The following MYH1 variants were observed in gnomAD, a reference collection of about 807,000 sequenced individuals.
MYH1 encodes myosin-1.
A neutral mutation model predicts 225.6 loss-of-function variants in MYH1; 214 were observed. That is an observed-to-expected ratio of 0.95 (90% confidence interval 0.85 to 1.06). MYH1 has a LOEUF of 1.06. MYH1 is among the 50% of genes least tolerant of loss of function. MYH1 has a pLI of 0.00. For synonymous variants in MYH1, 774 were observed against 842.3 expected (o/e 0.92, Z 1.40); for missense variants, 2,098 against 2,344.2 (o/e 0.89, Z 2.17).
At chr17:10,509,953 C>T (rs1410797880) in intron 14 of MYH1, among the ~76,000 whole-genome samples, 1 of 152,076 alleles carries the variant, frequency 6.6e-6, no homozygotes, top group Non-Finnish European at 1.5e-5. Context: ...TGTATGTTCT[C>T]ACATATAAGT....
chr17:10,515,565 C>T (rs1419198586), intron 5 of MYH1, among the ~76,000 whole-genome samples: 1 of 152,086 alleles, frequency 6.6e-6, no homozygotes, highest in Non-Finnish European at 1.5e-5. Flanking sequence ...GGATTGAACT[C>T]CTATTTTTCA....
Position 10,508,669 on chromosome 17 carries a change from T to C in MYH1, c.1591A>G (p.Met531Val), listed in dbSNP as rs758306609. ...AACIELIEKP[M>V]GIFSILEEEC... The stretch of plus-strand genomic sequence containing the variant: ...TCTTCCAGGATGGAGAAGATGCCCA[T>C]AGGCTGGAAGAATGAAAAGAAATAA... The change falls in exon 16 of 40, where the codon ATG becomes GTG. Residue 531 changes from methionine (M) to valine (V), a missense_variant. Physicochemically the swap from Met to Val is conservative, Grantham distance 21. Coordinates refer to ENST00000226207, the MANE Select transcript of MYH1 (RefSeq NM_005963.4). The C allele has an allele frequency of 6.2e-6, 10 of 1,613,922 alleles. No individual in the cohort carries two copies. The highest frequency in any genetic ancestry group is 1.7e-4 in the Middle Eastern group (1 of 6,058).
At chr17:10,504,713 A>G in intron 22 of MYH1, 97 bp downstream of exon 22, 1 of 1,365,790 alleles carries the variant, frequency 7.3e-7, no homozygotes, top group Non-Finnish European at 1.0e-6. Context: ...AAGATTCATA[A>G]TCTGTCCCTT....
At chr17:10,509,342 A>T in intron 15 of MYH1, 143 bp downstream of exon 15, 2 of 1,302,270 alleles carry the variant, frequency 1.5e-6, no homozygotes, top group Non-Finnish European at 2.1e-6. Context: ...CAGAATATCT[A>T]CTTCAGAGTT....
At chr17:10,499,598 A>G (rs1354463702) in intron 28 of MYH1, among the ~76,000 whole-genome samples, 1 of 152,202 alleles carries the variant, frequency 6.6e-6, no homozygotes, top group African/African-American at 2.4e-5. Context: ...CATCCCCAGA[A>G]TGAATTGGTT....
At chr17:10,497,029 C>A (rs968119038) in intron 33 of MYH1, 40 bp downstream of exon 33, 14 of 1,589,868 alleles carry the variant, frequency 8.8e-6, no homozygotes, top group South Asian at 1.1e-5. Context: ...GACCCCAATT[C>A]CTCTTCTAAT....
rs766283461 is a variant in MYH1 at position 10,501,586 on chromosome 17, T to C, written c.3348+8A>G. The C allele has an allele frequency of 1.9e-5, 31 of 1,614,258 alleles. No individual in the cohort carries two copies. In the East Asian group the frequency reaches 6.7e-4, roughly 35 times the overall value. ...TTAAATTAGCCTGGCGAAAATCATT[T>C]AACGTACTTGTAACTCCTTGATTTT... On this transcript the variant is annotated splice_region_variant and intron_variant, in intron 26 of 39. Transcript: ENST00000226207.
At chr17:10,512,645 T>G (rs369098291) in intron 11 of MYH1, 36 bp downstream of exon 11, 22 of 1,610,902 alleles carry the variant, frequency 1.4e-5, no homozygotes, top group Non-Finnish European at 1.8e-5. Flanking sequence ...TTCCCATGCA[T>G]AATGGATTTT....
rs1004453885 is a variant in MYH1 at position 10,507,809 on chromosome 17, G to A, written c.1968+77C>T. The A allele has an allele frequency of 6.7e-6, 8 of 1,196,882 alleles. No homozygotes were observed. The African/African-American group carries it at 1.2e-4, about 18-fold the overall frequency. The allele number at this position is 1,196,882 out of a possible 1,614,324, so 74.1% of individuals were successfully genotyped here. On this transcript the variant is annotated intron_variant, in intron 17 of 39. Transcript: ENST00000226207. ...CACATCAGTTCTAGAATCCTTGCAA[G>A]GTTAGTTTTTTCCCCCACACCATAG...
Position 10,513,598 on chromosome 17 carries a change from A to T in MYH1, c.805+28T>A, listed in dbSNP as rs200214170. 8.8e-4 allele frequency: 1,410 copies of T among 1,605,566 alleles called. 1 individual carries two copies. Among genetic ancestry groups the T allele is most frequent in the Non-Finnish European group, 1.1e-3 (1,323 of 1,172,496 alleles). The stretch of plus-strand genomic sequence containing the variant: ...CCAAACCAATATTTGTCATTCTTGG[A>T]TTCTATTTAGGAGGTCCTGTTACTC... On this transcript the variant is annotated intron_variant, in intron 9 of 39. Coordinates refer to ENST00000226207, the MANE Select transcript of MYH1 (RefSeq NM_005963.4).
intron 14 of MYH1, 71 bp downstream of exon 14, chr17:10,511,768 C>G: frequency 6.2e-7 from 1 of 1,609,026 alleles, no homozygotes; most frequent in South Asian, 1.1e-5. Flanking sequence ...TGACTACAGG[C>G]ATGCTATATG....
intron 16 of MYH1, 55 bp from the exon 17 acceptor site, chr17:10,508,011 T>G (rs1004349273): frequency 9.5e-5 from 125 of 1,310,358 alleles, no homozygotes; most frequent in Non-Finnish European, 1.3e-4. Context: ...TATGGTTTTT[T>G]TTTTTTGTTT....
intron 29 of MYH1, 65 bp downstream of exon 29, chr17:10,498,909 C>T: frequency 6.2e-7 from 1 of 1,604,252 alleles, no homozygotes; most frequent in South Asian, 1.1e-5. Context: ...AGAAGAAAGT[C>T]TGTAAAAGTA....
Position 10,505,524 on chromosome 17 carries a change from G to C in MYH1, c.2175-13C>G, listed in dbSNP as rs1055380726. 6.2e-7 allele frequency: 1 copy of C among 1,605,938 alleles called. No individual in the cohort carries two copies. Among genetic ancestry groups the C allele is most frequent in the Non-Finnish European group, 8.5e-7 (1 of 1,177,412 alleles). ...TAACACCTTGTATCTGTTTAAGCCA[G>C]ACAAAAAAATGATATGGCTGTTGCC... On this transcript the variant is annotated splice_polypyrimidine_tract_variant and intron_variant, in intron 19 of 39. Coordinates refer to ENST00000226207, the MANE Select transcript of MYH1 (RefSeq NM_005963.4).
intron 25 of MYH1, 40 bp downstream of exon 25, chr17:10,501,726 A>G: frequency 6.2e-7 from 1 of 1,614,034 alleles, no homozygotes; most frequent in Non-Finnish European, 8.5e-7. Flanking sequence ...AAATATTAAG[A>G]GTAATTTCCC....
chr17:10,509,516 T>C lies in MYH1; in HGVS notation c.1556A>G (p.Asp519Gly), dbSNP rs1597441375. The C allele has an allele frequency of 1.9e-6, 3 of 1,614,112 alleles. No homozygotes were observed. In the East Asian group the frequency reaches 6.7e-5, roughly 36 times the overall value. The change falls in exon 15 of 40, where the codon GAC becomes GGC. Residue 519 changes from aspartate (D) to glycine (G), a missense_variant. Transcript: ENST00000226207. ...IEWTFIDFGM[D>G]LAACIELIEK... ...GATGAGCTCGATGCAGGCAGCCAGGTCCATCCCAAAGTCAATGAACGTCCA... is the reference window on the plus strand; with the variant it reads ...GATGAGCTCGATGCAGGCAGCCAGGCCCATCCCAAAGTCAATGAACGTCCA...
chr17:10,493,861 TCCAAGCCA>T (rs1031176054), intron 39 of MYH1, among the ~76,000 whole-genome samples: 8 of 152,192 alleles, frequency 5.3e-5, no homozygotes, highest in African/African-American at 1.9e-4. Context: ...CACTCTCTTA[TCCAAGCCA>T]CAGAACCGAC....
rs2073076843 is a variant in MYH1 at position 10,503,267 on chromosome 17, T to C, written c.2692-19A>G. 1.9e-6 allele frequency: 3 copies of C among 1,602,002 alleles called. No individual in the cohort carries two copies. The East Asian group carries it at 6.7e-5, about 36-fold the overall frequency. On this transcript the variant is annotated intron_variant, in intron 22 of 39. Coordinates refer to ENST00000226207, the MANE Select transcript of MYH1 (RefSeq NM_005963.4). ...CAGCTTCCTGAGAAGAGGCAATAGA[T>C]ATTTTAGATTTTATGAAAATTCCTA...
intron 19 of MYH1, 109 bp downstream of exon 19, chr17:10,505,703 G>A: frequency 1.4e-6 from 2 of 1,475,594 alleles, no homozygotes; most frequent in South Asian, 2.5e-5. Context: ...TGTTAAGTGA[G>A]TTTATCTTCT....
Sources: allele counts gnomAD v4.1 joint callset (sites outside exome capture counted in the v4.1 genomes callset), GRCh38; gene constraint gnomAD v4.1.1; transcripts MANE v1.5; gene names NCBI Gene and HGNC (gene_info 2026-07-23, HGNC 2026-07-21).